The following ARHGAP44 variants were observed in gnomAD, a reference collection of about 807,000 sequenced individuals.
ARHGAP44 encodes Rho GTPase activating protein 44, also known as rho GTPase-activating protein 44.
A neutral mutation model predicts 106.8 loss-of-function variants in ARHGAP44; 43 were observed. That is an observed-to-expected ratio of 0.40 (90% CI 0.32 to 0.52). ARHGAP44 has a LOEUF of 0.52. ARHGAP44 is among the 20% of genes least tolerant of loss of function. ARHGAP44 has a pLI of 0.48. For synonymous variants in ARHGAP44, 439 were observed against 410.3 expected (o/e 1.07, Z -0.85); for missense variants, 866 against 1,050.5 (o/e 0.82, Z 2.43).
chr17:12,935,545 G>C (rs2038520791), intron 7 of ARHGAP44, among the ~76,000 whole-genome samples: 1 of 148,352 alleles, frequency 6.7e-6, no homozygotes, highest in South Asian at 2.2e-4. Flanking sequence ...ACTCCAGCTG[G>C]GGCAACAGAG....
At chr17:12,800,367 A>G (rs1253834769) in intron 1 of ARHGAP44, among the ~76,000 whole-genome samples, 1 of 152,156 alleles carries the variant, frequency 6.6e-6, no homozygotes. Context: ...GTATCACTCA[A>G]TTTAAGTCTA....
chr17:12,911,944 G>A (rs563877277), intron 4 of ARHGAP44, among the ~76,000 whole-genome samples: 13 of 152,202 alleles, frequency 8.5e-5, no homozygotes, highest in Admixed American at 2.0e-4. Context: ...ATGTTGGAGG[G>A]GGTCAGTGCC....
chr17:12,821,937 T>C (rs1040524843), intron 1 of ARHGAP44, among the ~76,000 whole-genome samples: 1 of 152,218 alleles, frequency 6.6e-6, no homozygotes, highest in Non-Finnish European at 1.5e-5. Flanking sequence ...AGAAGATTTA[T>C]ACACTACTTT....
At chr17:12,882,629 C>G (rs1567666536) in intron 1 of ARHGAP44, among the ~76,000 whole-genome samples, 1 of 151,958 alleles carries the variant, frequency 6.6e-6, no homozygotes, top group African/African-American at 2.4e-5. Flanking sequence ...GGGATTTTCC[C>G]TGTTATATTT....
intron 1 of ARHGAP44, among the ~76,000 whole-genome samples, chr17:12,819,857 T>G (rs139778022): frequency 6.8e-4 from 104 of 152,232 alleles, no homozygotes; most frequent in African/African-American, 2.4e-3. Context: ...TGCCCCCTCA[T>G]TGTTGCTTGC....
chr17:12,856,951 T>G (rs2035928159), intron 1 of ARHGAP44, among the ~76,000 whole-genome samples: 1 of 152,206 alleles, frequency 6.6e-6, no homozygotes, highest in African/African-American at 2.4e-5. Context: ...TAGTTTGTAT[T>G]CTGAAAATAA....
intron 20 of ARHGAP44, chr17:12,985,300 T>C (rs921429451): frequency 2.8e-5 from 5 of 180,306 alleles, no homozygotes; most frequent in Admixed American, 1.8e-4. Flanking sequence ...CTGACAGGTA[T>C]AAATGCTTAT....
At chr17:12,889,556 C>T (rs1000007281) in intron 1 of ARHGAP44, among the ~76,000 whole-genome samples, 4 of 152,112 alleles carry the variant, frequency 2.6e-5, no homozygotes, top group Admixed American at 6.6e-5. Context: ...ATTGGGGATC[C>T]GGTTTCCAAC....
chr17:12,879,869 T>C (rs553497426), intron 1 of ARHGAP44, among the ~76,000 whole-genome samples: 18 of 151,944 alleles, frequency 1.2e-4, no homozygotes, highest in Non-Finnish European at 2.1e-4. Flanking sequence ...TGATAACATA[T>C]GTAGTCAATT....
At chr17:12,874,940 A>G (rs910245724) in intron 1 of ARHGAP44, among the ~76,000 whole-genome samples, 3 of 132,700 alleles carry the variant, frequency 2.3e-5, no homozygotes, top group Non-Finnish European at 4.8e-5. Flanking sequence ...AGAGGGACAG[A>G]ATGGGGGTCA....
chr17:12,888,297 T>C (rs745727398), intron 1 of ARHGAP44, among the ~76,000 whole-genome samples: 2 of 152,204 alleles, frequency 1.3e-5, no homozygotes, highest in Non-Finnish European at 2.9e-5. Flanking sequence ...TTACATGTTA[T>C]GTTTTTATTT....
At chr17:12,930,294 C>T (rs1400685296) in intron 7 of ARHGAP44, among the ~76,000 whole-genome samples, 9 of 151,812 alleles carry the variant, frequency 5.9e-5, no homozygotes, top group African/African-American at 2.2e-4. Context: ...AGTGCAATGG[C>T]ACGGTCTTGG....
chr17:12,893,919 TC>T (rs2037123181), intron 1 of ARHGAP44, among the ~76,000 whole-genome samples: 2 of 152,154 alleles, frequency 1.3e-5, no homozygotes, highest in African/African-American at 4.8e-5. Flanking sequence ...TTCTGAAGGT[TC>T]CCAGCCAGTA....
At position 12,929,066 on chromosome 17, in the gene ARHGAP44, C is replaced by G. The variant is rs759264492; in HGVS notation, c.582+20C>G. The G allele has an allele frequency of 6.3e-7, 1 of 1,595,724 alleles. No individual in the cohort carries two copies. The highest frequency in any genetic ancestry group is 1.1e-5 in the South Asian group (1 of 88,396). ...TGCAGGGTACCTGCCCTCTTTGCTCCTCTCTACTGGGACAGGCTGGGGAGC... is the reference window on the plus strand; with the variant it reads ...TGCAGGGTACCTGCCCTCTTTGCTCGTCTCTACTGGGACAGGCTGGGGAGC... On this transcript the variant is annotated intron_variant, in intron 7 of 20. Transcript: ENST00000379672.
At chr17:12,837,210 A>G (rs944762483) in intron 1 of ARHGAP44, among the ~76,000 whole-genome samples, 1 of 152,246 alleles carries the variant, frequency 6.6e-6, no homozygotes, top group Non-Finnish European at 1.5e-5. Flanking sequence ...ACATGTTTTG[A>G]ACTGAATGAA....
intron 10 of ARHGAP44, among the ~76,000 whole-genome samples, chr17:12,948,794 G>A (rs1187428609): frequency 1.5e-5 from 2 of 130,508 alleles, no homozygotes; most frequent in African/African-American, 5.9e-5. Flanking sequence ...GACTGACCAG[G>A]TCTTAGTCGA....
At chr17:12,793,355 A>G (rs1448448651) in intron 1 of ARHGAP44, among the ~76,000 whole-genome samples, 1 of 152,246 alleles carries the variant, frequency 6.6e-6, no homozygotes, top group Non-Finnish European at 1.5e-5. Flanking sequence ...TGTCCCAGAC[A>G]CTGCTCTGGT....
Position 12,984,582 on chromosome 17 carries a change from G to C in ARHGAP44, c.1991G>C (p.Gly664Ala), listed in dbSNP as rs543868814. Residue 664 changes from glycine (G) to alanine (A), a missense_variant, in exon 20 of 21, where the codon GGG becomes GCG. By Grantham distance (60) the Gly-to-Ala change is moderately conservative. Around this residue, in one of 2 missense-constraint regions of ARHGAP44, gnomAD observed 418 missense variants for 403.6 expected, o/e 1.04. Coordinates refer to ENST00000379672, the MANE Select transcript of ARHGAP44 (RefSeq NM_014859.6). ...CCCAAGGTCCCCTTTGGCCAGCCGG[G>C]GGCTATGGCAGACCAGTCCGCTGGC... The part of the protein sequence containing the change: ...IPPKVPFGQP[G>A]AMADQSAGQP... 6.3e-7 allele frequency: 1 copy of C among 1,582,418 alleles called. No homozygotes were observed. Among genetic ancestry groups the C allele is most frequent in the Admixed American group, 1.8e-5 (1 of 55,552 alleles).
intron 16 of ARHGAP44, among the ~76,000 whole-genome samples, chr17:12,965,378 A>G (rs188005520): frequency 1.5e-3 from 231 of 152,330 alleles, no homozygotes; most frequent in Non-Finnish European, 2.3e-3. Flanking sequence ...CAGGGCCAGC[A>G]GCCTCCCTTG....
Sources: gnomAD v4.1 joint callset for allele counts (sites outside exome capture counted in the v4.1 genomes callset) on GRCh38, gnomAD v4.1.1 for gene constraint, gnomAD v4.1.1 regional missense constraint, MANE v1.5 for transcripts, NCBI Gene and HGNC (gene_info 2026-07-23, HGNC 2026-07-21) for gene names.